SGPL1: variants seen among roughly 807,000 people sequenced by gnomAD.
SGPL1 encodes SP-lyase 1.
Under a neutral mutation model 68.9 loss-of-function variants are expected in SGPL1, and 37 were observed. The ratio of observed to expected loss-of-function variants is 0.54; its 90% CI spans 0.41 to 0.71. The LOEUF (loss-of-function observed/expected upper bound fraction) is 0.71, where lower values mean the gene tolerates loss of function less well. Ranked by LOEUF, SGPL1 falls within the 30% of genes least tolerant of loss-of-function variation. The probability of loss-of-function intolerance (pLI) is 0.00; values close to 1 mark genes in which losing one functional copy is unlikely to be tolerated. For missense variants in SGPL1, 551 were observed against 704.6 expected (o/e 0.78, Z 2.47); for synonymous variants, 236 against 248.5 (o/e 0.95, Z 0.47).
intron 2 of SGPL1, among the ~76,000 whole-genome samples, chr10:70,823,960 T>A (rs1845387429): frequency 6.6e-6 from 1 of 152,248 alleles, no homozygotes; most frequent in African/African-American, 2.4e-5. Context: ...AAAGCAGTTT[T>A]GATATGTCAT....
At chr10:70,855,344 T>C (rs951569477) in intron 5 of SGPL1, among the ~76,000 whole-genome samples, 1 of 152,244 alleles carries the variant, frequency 6.6e-6, no homozygotes, top group African/African-American at 2.4e-5. Context: ...ATGCTAATAG[T>C]GTTTGTCTGT....
At chr10:70,819,677 C>G (rs1376140427) in intron 2 of SGPL1, among the ~76,000 whole-genome samples, 1 of 144,412 alleles carries the variant, frequency 6.9e-6, no homozygotes, top group African/African-American at 2.6e-5. Flanking sequence ...GATGCCCAGG[C>G]TGGAGTGCAG....
At chr10:70,875,693 C>T (rs1475606087) in intron 13 of SGPL1, 145 bp downstream of exon 13, 3 of 583,872 alleles carry the variant, frequency 5.1e-6, no homozygotes, top group African/African-American at 3.7e-5. Context: ...TTCTCTCTTG[C>T]CACCTGGAAT....
At chr10:70,858,459 CCACTT>C (rs1845998855) in intron 6 of SGPL1, among the ~76,000 whole-genome samples, 1 of 152,116 alleles carries the variant, frequency 6.6e-6, no homozygotes, top group Non-Finnish European at 1.5e-5. Context: ...TTTTGAAACT[CCACTT>C]CATCATATAA....
intron 2 of SGPL1, among the ~76,000 whole-genome samples, chr10:70,823,122 T>A (rs1845370182): frequency 6.6e-6 from 1 of 151,966 alleles, no homozygotes; most frequent in East Asian, 1.9e-4. Context: ...GTTAAAGCAA[T>A]TCAAGGGGCG....
At chr10:70,854,106 A>G (rs889755121) in intron 4 of SGPL1, among the ~76,000 whole-genome samples, 1 of 152,166 alleles carries the variant, frequency 6.6e-6, no homozygotes, top group Non-Finnish European at 1.5e-5. Flanking sequence ...AGCAATGCCA[A>G]CCAAGTGAAG....
chr10:70,834,263 A>G (rs1023648494), intron 2 of SGPL1, among the ~76,000 whole-genome samples: 4 of 152,156 alleles, frequency 2.6e-5, no homozygotes. Context: ...ACCCAAGAAG[A>G]TGATTCGTTC....
At chr10:70,828,769 G>A (rs1845481834) in intron 2 of SGPL1, among the ~76,000 whole-genome samples, 1 of 152,056 alleles carries the variant, frequency 6.6e-6, no homozygotes, top group Admixed American at 6.5e-5. Context: ...CAATATTGGG[G>A]GACCATGTTT....
intron 7 of SGPL1, among the ~76,000 whole-genome samples, chr10:70,863,372 T>C (rs1846118347): frequency 6.6e-6 from 1 of 151,802 alleles, no homozygotes; most frequent in Non-Finnish European, 1.5e-5. Context: ...TACTTAAATA[T>C]ATTACACATA....
At chr10:70,825,351 G>A (rs1462026751) in intron 2 of SGPL1, among the ~76,000 whole-genome samples, 11 of 152,308 alleles carry the variant, frequency 7.2e-5, no homozygotes, top group Admixed American at 5.9e-4. Context: ...GGTGGAATCC[G>A]GAGGCACATA....
At chr10:70,849,555 G>A (rs1195643705) in intron 3 of SGPL1, among the ~76,000 whole-genome samples, 1 of 152,184 alleles carries the variant, frequency 6.6e-6, no homozygotes, top group East Asian at 1.9e-4. Flanking sequence ...TTTTGTCCCA[G>A]GTGTTTACAG....
chr10:70,867,732 A>C (rs1846220677), intron 7 of SGPL1, among the ~76,000 whole-genome samples: 1 of 152,202 alleles, frequency 6.6e-6, no homozygotes, highest in Admixed American at 6.5e-5. Context: ...TCTGGTAAAG[A>C]AATGTGTTTA....
chr10:70,862,595 G>T (rs1682451740), intron 7 of SGPL1, among the ~76,000 whole-genome samples: 1 of 152,106 alleles, frequency 6.6e-6, no homozygotes, highest in African/African-American at 2.4e-5. Flanking sequence ...CTGCTTTTAT[G>T]AGCTGTGACA....
At chr10:70,863,318 C>A (rs1322653442) in intron 7 of SGPL1, among the ~76,000 whole-genome samples, 6 of 125,602 alleles carry the variant, frequency 4.8e-5, no homozygotes, top group Non-Finnish European at 8.3e-5. Context: ...TTTTAATCTG[C>A]TTGGTTGTTT....
At chr10:70,843,204 T>C (rs1845743530) in intron 2 of SGPL1, among the ~76,000 whole-genome samples, 1 of 152,218 alleles carries the variant, frequency 6.6e-6, no homozygotes, top group South Asian at 2.1e-4. Flanking sequence ...TCATATGCTT[T>C]TTGTGGCTAT....
intron 7 of SGPL1, among the ~76,000 whole-genome samples, chr10:70,861,780 C>T (rs1241478836): frequency 2.0e-5 from 3 of 152,340 alleles, no homozygotes; most frequent in African/African-American, 7.2e-5. Context: ...AGGGGCTTAG[C>T]ACCCAGCCAG....
chr10:70,828,839 G>A (rs543244762), intron 2 of SGPL1, among the ~76,000 whole-genome samples: 1 of 152,212 alleles, frequency 6.6e-6, no homozygotes, highest in African/African-American at 2.4e-5. Context: ...TGACAGATGG[G>A]TCTAAAAAGG....
intron 7 of SGPL1, among the ~76,000 whole-genome samples, chr10:70,867,486 C>A (rs1326650573): frequency 6.6e-6 from 1 of 151,434 alleles, no homozygotes; most frequent in Admixed American, 6.6e-5. Context: ...TCGCTTGAAC[C>A]AGGAGGCAAA....
chr10:70,874,125 A>T (rs1846344535), intron 12 of SGPL1, among the ~76,000 whole-genome samples: 1 of 152,240 alleles, frequency 6.6e-6, no homozygotes, highest in African/African-American at 2.4e-5. Context: ...AAAGGAGGGC[A>T]ATGAAATCTT....
Sources: allele counts gnomAD v4.1 joint callset (sites outside exome capture counted in the v4.1 genomes callset), GRCh38; gene constraint gnomAD v4.1.1; transcripts MANE v1.5; gene names NCBI Gene and HGNC (gene_info 2026-07-23, HGNC 2026-07-21).